Variants in ZNF385D observed in about 807,000 individuals in gnomAD.
The protein encoded by ZNF385D is zinc finger protein 385D.
A neutral mutation model predicts 35.8 loss-of-function variants in ZNF385D; 15 were observed. That is an observed-to-expected ratio of 0.42 (90% confidence interval 0.28 to 0.64). ZNF385D has a LOEUF of 0.64. Ranked by LOEUF, ZNF385D falls within the 30% of genes least tolerant of loss-of-function variation. ZNF385D has a pLI of 0.23. For synonymous variants in ZNF385D, 212 were observed against 186.8 expected (o/e 1.13, Z -1.10); for missense variants, 474 against 494.6 (o/e 0.96, Z 0.39).
chr3:21,611,331 G>C (rs12637155), intron 2 of ZNF385D, among the ~76,000 whole-genome samples: 1 of 151,464 alleles, frequency 6.6e-6, no homozygotes, highest in Non-Finnish European at 1.5e-5. Flanking sequence ...GGGAAGTTCA[G>C]GTTGCAGAGC....
chr3:21,684,119 T>C (rs907452773), intron 1 of ZNF385D, among the ~76,000 whole-genome samples: 2 of 149,778 alleles, frequency 1.3e-5, no homozygotes, highest in Admixed American at 6.7e-5. Context: ...AGCTCCCTAG[T>C]TGAACTGGTT....
At chr3:21,716,816 T>C (rs901196866) in intron 1 of ZNF385D, among the ~76,000 whole-genome samples, 3 of 152,200 alleles carry the variant, frequency 2.0e-5, no homozygotes, top group Non-Finnish European at 4.4e-5. Context: ...TTCATTGCTC[T>C]GCCCTCAGCG....
At chr3:21,461,800 T>C (rs973535389) in intron 4 of ZNF385D, among the ~76,000 whole-genome samples, 15 of 152,210 alleles carry the variant, frequency 9.9e-5, no homozygotes, top group Non-Finnish European at 2.2e-4. Flanking sequence ...ATATGGATGG[T>C]CTCTTGACAA....
At chr3:22,305,206 G>A (rs983610342) in intron 2 of ZNF385D, among the ~76,000 whole-genome samples, 36 of 152,222 alleles carry the variant, frequency 2.4e-4, no homozygotes, top group African/African-American at 8.2e-4. Context: ...GTTTCTAAAT[G>A]TATATGTAAT....
At position 21,663,915 on chromosome 3, in the gene ZNF385D, A is replaced by ATATATATATATATATATATATTTATT. The variant is rs1159950305; in HGVS notation, c.165+970_165+971insAATAAATATATATATATATATATATA. The stretch of plus-strand genomic sequence containing the variant: ...AATATATATATATATATATATATAT[A>ATATATATATATATATATATATTTATT]TATTTATTTATTTAAATCCATCATG... On this transcript the variant is annotated intron_variant, in intron 2 of 7. Transcript: ENST00000281523. 2.4e-3 allele frequency among the ~76,000 whole-genome samples: 251 copies of ATATATATATATATATATATATTTATT among 105,654 alleles called. 4 individuals carry two copies. Among genetic ancestry groups the ATATATATATATATATATATATTTATT allele is most frequent in the East Asian group, 4.1e-3 (16 of 3,860 alleles). The allele number at this position is 105,654 out of a possible 152,430, so 69.3% of individuals were successfully genotyped here.
chr3:21,824,052 T>C (rs1203389095), intron 3 of ZNF385D, among the ~76,000 whole-genome samples: 5 of 152,308 alleles, frequency 3.3e-5, no homozygotes, highest in Admixed American at 6.5e-5. Context: ...AATATAAAAG[T>C]AAATTCTAAC....
At chr3:22,359,073 C>A (rs142020324) in intron 2 of ZNF385D, among the ~76,000 whole-genome samples, 8,116 of 142,008 alleles carry the variant, frequency 0.057, 298 homozygotes, top group African/African-American at 0.1. Flanking sequence ...AACAAAAAAA[C>A]CAAAAAAAAA....
intron 1 of ZNF385D, among the ~76,000 whole-genome samples, chr3:21,672,175 T>C (rs1478956590): frequency 1.3e-5 from 2 of 152,194 alleles, no homozygotes; most frequent in African/African-American, 4.8e-5. Flanking sequence ...AACAGAATGA[T>C]ATAACTAAAA....
At chr3:22,140,956 G>A (rs1160114619) in intron 3 of ZNF385D, among the ~76,000 whole-genome samples, 16 of 152,114 alleles carry the variant, frequency 1.1e-4, no homozygotes, top group Admixed American at 9.2e-4. Context: ...AAAGAATAAG[G>A]TACACTGAAG....
At chr3:21,710,146 T>C (rs559075270) in intron 1 of ZNF385D, among the ~76,000 whole-genome samples, 3 of 152,060 alleles carry the variant, frequency 2.0e-5, no homozygotes, top group Non-Finnish European at 4.4e-5. Flanking sequence ...TATGGGGGTA[T>C]GGTTTAGAAT....
At chr3:21,908,414 C>A (rs1174530016) in intron 3 of ZNF385D, among the ~76,000 whole-genome samples, 1 of 151,966 alleles carries the variant, frequency 6.6e-6, no homozygotes, top group East Asian at 1.9e-4. Context: ...TACCAAAAAG[C>A]AATTCTGGGC....
At chr3:21,865,671 T>C (rs1479694798) in intron 3 of ZNF385D, among the ~76,000 whole-genome samples, 1 of 152,158 alleles carries the variant, frequency 6.6e-6, no homozygotes, top group Non-Finnish European at 1.5e-5. Context: ...GGTGATCTTA[T>C]AGTTTGAGGA....
intron 3 of ZNF385D, chr3:21,961,653 T>A (rs1021371236): frequency 2.6e-5 from 4 of 152,150 alleles, no homozygotes; most frequent in African/African-American, 9.7e-5. Flanking sequence ...ATTGTTACAT[T>A]TCAATTGTTG....
At chr3:21,636,411 T>TAG (rs1461269243) in intron 2 of ZNF385D, among the ~76,000 whole-genome samples, 4 of 49,246 alleles carry the variant, frequency 8.1e-5, no homozygotes, top group Non-Finnish European at 1.2e-4. Context: ...TATATATATA[T>TAG]ATAGAGTTTC....
At chr3:21,634,079 C>T (rs1483265481) in intron 2 of ZNF385D, among the ~76,000 whole-genome samples, 3 of 151,940 alleles carry the variant, frequency 2.0e-5, no homozygotes, top group Admixed American at 1.3e-4. Context: ...CACCTCTAGT[C>T]CCAGCTACTA....
intron 2 of ZNF385D, among the ~76,000 whole-genome samples, chr3:21,590,311 C>T (rs2063935443): frequency 6.6e-6 from 1 of 152,092 alleles, no homozygotes; most frequent in Non-Finnish European, 1.5e-5. Context: ...GTGATTACTT[C>T]TGACAGAGAG....
chr3:21,833,218 T>C (rs1270194091), intron 3 of ZNF385D, among the ~76,000 whole-genome samples: 2 of 152,194 alleles, frequency 1.3e-5, no homozygotes, highest in African/African-American at 4.8e-5. Flanking sequence ...TAGAATGGTA[T>C]ACTTAGTGGG....
intron 3 of ZNF385D, among the ~76,000 whole-genome samples, chr3:22,098,051 G>A (rs997444225): frequency 6.6e-6 from 1 of 152,026 alleles, no homozygotes; most frequent in African/African-American, 2.4e-5. Flanking sequence ...GAAATACCTA[G>A]AGTGTGTTGG....
intron 1 of ZNF385D, among the ~76,000 whole-genome samples, chr3:21,745,987 T>G (rs1288984267): frequency 6.6e-6 from 1 of 152,210 alleles, no homozygotes; most frequent in Non-Finnish European, 1.5e-5. Context: ...GATCCAGGAA[T>G]ACATAAATGC....
Sources: allele counts gnomAD v4.1 joint callset (sites outside exome capture counted in the v4.1 genomes callset), GRCh38; gene constraint gnomAD v4.1.1; transcripts MANE v1.5; gene names NCBI Gene and HGNC (gene_info 2026-07-23, HGNC 2026-07-21).